The following COL24A1 variants were observed in gnomAD, a reference collection of about 807,000 sequenced individuals.
The protein encoded by COL24A1 is collagen type XXIV alpha 1 chain.
COL24A1 carries 224 observed loss-of-function variants against 253.9 expected under a neutral mutation model. The ratio of observed to expected loss-of-function variants is 0.88; its 90% CI spans 0.79 to 0.99. The LOEUF (loss-of-function observed/expected upper bound fraction) is 0.99. Ranked by LOEUF, COL24A1 falls within the 50% of genes least tolerant of loss-of-function variation. The pLI is 0.00. For missense variants in COL24A1, 2,131 were observed against 2,068.5 expected (o/e 1.03, Z -0.59); for synonymous variants, 685 against 673.7 (o/e 1.02, Z -0.26).
At position 86,081,226 on chromosome 1, in the gene COL24A1, G is replaced by A. The variant is rs560102027; in HGVS notation, c.1707+7948C>T. ...TATGCCTTGGCAAATTGTCATACTCGCTTCTAAGTATGGATCAATTCCCAA... is the reference window on the plus strand; with the variant it reads ...TATGCCTTGGCAAATTGTCATACTCACTTCTAAGTATGGATCAATTCCCAA... On this transcript the variant is annotated intron_variant, in intron 7 of 59. Coordinates refer to ENST00000370571, the MANE Select transcript of COL24A1 (RefSeq NM_152890.7). 2.0e-5 allele frequency among the ~76,000 whole-genome samples: 3 copies of A among 152,054 alleles called. No homozygotes were observed. The East Asian group carries it at 5.8e-4, about 29-fold the overall frequency.
At chr1:85,774,650 T>G (rs1668334297) in intron 53 of COL24A1, among the ~76,000 whole-genome samples, 1 of 152,260 alleles carries the variant, frequency 6.6e-6, no homozygotes, top group African/African-American at 2.4e-5. Context: ...TTTTCTAGTT[T>G]ATTTGCATAG....
chr1:85,970,466 C>T (rs978055443), intron 21 of COL24A1, among the ~76,000 whole-genome samples, 195 bp from the exon 22 acceptor site: 3 of 151,826 alleles, frequency 2.0e-5, no homozygotes, highest in South Asian at 2.1e-4. Flanking sequence ...CTGGTGCATT[C>T]GTGTAGGGAC....
At chr1:86,127,058 T>C (rs960538408) in intron 2 of COL24A1, among the ~76,000 whole-genome samples, 11 of 152,134 alleles carry the variant, frequency 7.2e-5, no homozygotes, top group Non-Finnish European at 1.5e-5. Context: ...TCCCAATGCC[T>C]ACTACCTTAA....
chr1:85,884,537 G>C (rs1682240575), intron 32 of COL24A1, among the ~76,000 whole-genome samples: 1 of 152,070 alleles, frequency 6.6e-6, no homozygotes, highest in Admixed American at 6.5e-5. Flanking sequence ...TGTAGGAAGG[G>C]CATTCTATAG....
chr1:86,004,287 T>C (rs1571562823), intron 19 of COL24A1, among the ~76,000 whole-genome samples: 1 of 152,274 alleles, frequency 6.6e-6, no homozygotes, highest in East Asian at 1.9e-4. Context: ...GTCTCTAAAG[T>C]TCTACTAGCA....
chr1:85,811,500 T>C (rs1354473861), intron 47 of COL24A1, among the ~76,000 whole-genome samples: 3 of 152,210 alleles, frequency 2.0e-5, no homozygotes, highest in African/African-American at 7.2e-5. Context: ...ATGTTTAATT[T>C]TCTGAGGAAC....
At chr1:86,098,351 G>A (rs1314706991) in intron 5 of COL24A1, among the ~76,000 whole-genome samples, 1 of 151,682 alleles carries the variant, frequency 6.6e-6, no homozygotes, top group Non-Finnish European at 1.5e-5. Context: ...GGGGAGCAGA[G>A]GAGAGGAAAG....
chr1:86,153,337 TACTC>T (rs1653032612), intron 1 of COL24A1, among the ~76,000 whole-genome samples: 2 of 152,124 alleles, frequency 1.3e-5, no homozygotes, highest in Non-Finnish European at 2.9e-5. Context: ...GGATCTGTCA[TACTC>T]AATCATTGTA....
At chr1:85,732,052 C>T (rs1663531925) in intron 59 of COL24A1, among the ~76,000 whole-genome samples, 1 of 152,096 alleles carries the variant, frequency 6.6e-6, no homozygotes, top group Non-Finnish European at 1.5e-5. Context: ...CGGATTTGAC[C>T]TGGGACAGAT....
At chr1:86,060,927 A>G (rs1292992633) in intron 8 of COL24A1, among the ~76,000 whole-genome samples, 1 of 151,868 alleles carries the variant, frequency 6.6e-6, no homozygotes, top group African/African-American at 2.4e-5. Flanking sequence ...TATAACATTT[A>G]TTGAGCACTT....
rs183485235 is a variant in COL24A1 at position 85,923,142 on chromosome 1, C to T, written c.2563-11709G>A. On this transcript the variant is annotated intron_variant, in intron 24 of 59. Coordinates refer to ENST00000370571, the MANE Select transcript of COL24A1 (RefSeq NM_152890.7). ...TAACTATCCTAAATATATATGCAAC[C>T]AATACAAGAGCACCCAGATTCATAA... is the stretch of plus-strand genomic sequence containing the variant. Among the ~76,000 whole-genome samples the T allele has an allele frequency of 4.6e-3, 693 of 152,206 alleles. 3 individuals carry two copies. The highest frequency in any genetic ancestry group is 6.5e-3 in the Non-Finnish European group (442 of 68,014).
chr1:85,957,685 C>G (rs954697649), intron 24 of COL24A1, among the ~76,000 whole-genome samples: 9 of 152,174 alleles, frequency 5.9e-5, no homozygotes, highest in Non-Finnish European at 1.0e-4. Context: ...TCATCTTTCT[C>G]ATTCATATAG....
chr1:85,932,723 G>T (rs1429444725), intron 24 of COL24A1, among the ~76,000 whole-genome samples: 1 of 108,884 alleles, frequency 9.2e-6, no homozygotes, highest in Non-Finnish European at 1.8e-5. Context: ...TTAAGAAAAT[G>T]TGGCACATAT....
At chr1:85,909,633 A>T (rs1275747603) in intron 26 of COL24A1, among the ~76,000 whole-genome samples, 4 of 151,880 alleles carry the variant, frequency 2.6e-5, no homozygotes, top group Non-Finnish European at 4.4e-5. Context: ...AAGGTGAAAG[A>T]TTTATACAAT....
rs1268882989 is a variant in COL24A1, at chr1:85,825,474, T to C, written c.3682-1736A>G. Among the ~76,000 whole-genome samples the C allele has an allele frequency of 4.6e-5, 7 of 152,334 alleles. No homozygotes were observed. The South Asian group carries it at 1.0e-3, about 23-fold the overall frequency. On this transcript the variant is annotated intron_variant, in intron 43 of 59. Transcript: ENST00000370571. ...TGGCTGGGTCAAATGATATTTGTAGTTCTAGATCCCTGAGGAATCACCACA... is the reference window on the plus strand; with the variant it reads ...TGGCTGGGTCAAATGATATTTGTAGCTCTAGATCCCTGAGGAATCACCACA...
intron 55 of COL24A1, among the ~76,000 whole-genome samples, chr1:85,757,425 T>C (rs1451267414): frequency 6.6e-6 from 1 of 152,172 alleles, no homozygotes; most frequent in African/African-American, 2.4e-5. Context: ...TATTCTTAGT[T>C]GGCAACACTA....
At chr1:85,976,874 C>A (rs962715144) in intron 20 of COL24A1, among the ~76,000 whole-genome samples, 1 of 152,178 alleles carries the variant, frequency 6.6e-6, no homozygotes, top group Non-Finnish European at 1.5e-5. Context: ...CCTGGCTAAC[C>A]AGAGGTCCTG....
rs550032606 is a variant in COL24A1 at position 85,829,627 on chromosome 1, T to A, written c.3682-5889A>T. On this transcript the variant is annotated intron_variant, in intron 43 of 59. Coordinates refer to ENST00000370571, the MANE Select transcript of COL24A1 (RefSeq NM_152890.7). ...CTTGGAGGCTTTGCTCATTTCTTTT[T>A]ATTCTTTTCTCTCTAAACTTCCCTT... Among the ~76,000 whole-genome samples, 63 of 152,034 alleles carry A rather than the reference T, an allele frequency of 4.1e-4. 1 individual carries two copies. Among genetic ancestry groups the A allele is most frequent in the Non-Finnish European group, 7.5e-4 (51 of 67,986 alleles).
chr1:85,764,384 C>A (rs1667142246), intron 53 of COL24A1, among the ~76,000 whole-genome samples: 1 of 150,532 alleles, frequency 6.6e-6, no homozygotes, highest in Admixed American at 6.6e-5. Context: ...GGCGTGACTG[C>A]AAATAAGAAC....
Sources: gnomAD v4.1 joint callset for allele counts (sites outside exome capture counted in the v4.1 genomes callset) on GRCh38, gnomAD v4.1.1 for gene constraint, MANE v1.5 for transcripts, NCBI Gene and HGNC (gene_info 2026-07-23, HGNC 2026-07-21) for gene names.